The following PRIMA1 variants were observed in gnomAD, a reference collection of about 807,000 sequenced individuals.
PRIMA1 encodes the protein proline-rich membrane anchor 1.
PRIMA1 carries 7 observed loss-of-function variants against 17.5 expected under a neutral mutation model. The observed-to-expected ratio is 0.40, with a 90% CI of 0.23 to 0.75. PRIMA1 has a LOEUF of 0.75. Among genes scored for constraint, PRIMA1 ranks in the 30% least tolerant of loss-of-function variants. The pLI, the probability that PRIMA1 is intolerant of heterozygous loss-of-function variation, is 0.37. For missense variants in PRIMA1, 200 were observed against 201.8 expected, an observed-to-expected ratio of 0.99 and a Z score of 0.05; for synonymous variants, 97 against 77.9, an observed-to-expected ratio of 1.25 and a Z score of -1.29.
chr14:93,754,437 G>C (rs535401986), intron 3 of PRIMA1, among the ~76,000 whole-genome samples: 4 of 150,832 alleles, frequency 2.7e-5, no homozygotes, highest in African/African-American at 7.4e-5. Context: ...GGGCCATGGT[G>C]GGGGGGGCCT....
At chr14:93,779,091 G>T in intron 3 of PRIMA1, 85 bp downstream of exon 3, 1 of 990,604 alleles carries the variant, frequency 1.0e-6, no homozygotes, top group Non-Finnish European at 1.4e-6. Context: ...AGGAGGCAGG[G>T]CTGCCCTCGG....
Position 93,721,213 on chromosome 14 carries a change from G to C in PRIMA1, c.*231C>G, listed in dbSNP as rs1350699642. ...GAGGATGTGGAGGGCCTGGGGTGGGGACACTGCCCAGGTGCTGCGCCGGGC... is the reference window on the plus strand; with the variant it reads ...GAGGATGTGGAGGGCCTGGGGTGGGCACACTGCCCAGGTGCTGCGCCGGGC... On this transcript the variant is annotated 3_prime_UTR_variant, in exon 5 of 5. Transcript: ENST00000393140. 3 of 525,814 alleles carry C rather than the reference G, an allele frequency of 5.7e-6. No homozygotes were observed. Among genetic ancestry groups the C allele is most frequent in the Non-Finnish European group, 1.0e-5 (3 of 296,308 alleles). The allele number at this position is 525,814 out of a possible 1,614,324, so 32.6% of individuals were successfully genotyped here.
intron 2 of PRIMA1, among the ~76,000 whole-genome samples, chr14:93,785,957 T>C (rs1885513797): frequency 6.6e-6 from 1 of 151,990 alleles, no homozygotes; most frequent in Non-Finnish European, 1.5e-5. Context: ...GAAGGACACT[T>C]AAAAAACTGA....
At chr14:93,754,419 G>T (rs2076278537) in intron 3 of PRIMA1, among the ~76,000 whole-genome samples, 1 of 146,512 alleles carries the variant, frequency 6.8e-6, no homozygotes, top group South Asian at 2.3e-4. Flanking sequence ...TTTTAACATT[G>T]CCTAGGGGGG....
At chr14:93,743,147 A>G (rs1231159995) in intron 3 of PRIMA1, among the ~76,000 whole-genome samples, 1 of 152,206 alleles carries the variant, frequency 6.6e-6, no homozygotes, top group Non-Finnish European at 1.5e-5. Context: ...CTCCACTGTG[A>G]GATGGAGGCT....
intron 3 of PRIMA1, among the ~76,000 whole-genome samples, chr14:93,775,669 G>C (rs1885195955): frequency 6.6e-6 from 1 of 152,208 alleles, no homozygotes. Context: ...GCAGGGTTCT[G>C]GGCTGAGCTC....
chr14:93,775,345 T>C (rs547948105), intron 3 of PRIMA1, among the ~76,000 whole-genome samples: 1 of 152,344 alleles, frequency 6.6e-6, no homozygotes, highest in South Asian at 2.1e-4. Flanking sequence ...TCCCGGGCCC[T>C]GGCACCATGC....
chr14:93,752,623 T>C (rs1286464281), intron 3 of PRIMA1, among the ~76,000 whole-genome samples: 1 of 152,082 alleles, frequency 6.6e-6, no homozygotes, highest in Non-Finnish European at 1.5e-5. Flanking sequence ...ACTCCACCAG[T>C]GCAATATCCA....
At chr14:93,778,733 G>A (rs746395579) in intron 3 of PRIMA1, among the ~76,000 whole-genome samples, 3 of 152,202 alleles carry the variant, frequency 2.0e-5, no homozygotes, top group Admixed American at 6.5e-5. Flanking sequence ...GCAGAATTTG[G>A]TGCACATAGC....
chr14:93,746,172 C>T (rs116400277), intron 3 of PRIMA1, among the ~76,000 whole-genome samples: 1,867 of 152,210 alleles, frequency 0.012, 32 homozygotes, highest in African/African-American at 0.043. Flanking sequence ...ATAGAGTTCC[C>T]GCAAGGACAG....
At chr14:93,778,905 T>C (rs1885299271) in intron 3 of PRIMA1, among the ~76,000 whole-genome samples, 1 of 152,076 alleles carries the variant, frequency 6.6e-6, no homozygotes, top group Non-Finnish European at 1.5e-5. Context: ...GATCTGGCCT[T>C]CGGAACTATC....
intron 3 of PRIMA1, among the ~76,000 whole-genome samples, chr14:93,743,415 T>C (rs756313911): frequency 3.3e-5 from 5 of 152,250 alleles, no homozygotes; most frequent in African/African-American, 7.2e-5. Flanking sequence ...CTGGCCTTGA[T>C]TGTAGTCAGG....
chr14:93,751,684 T>A (rs112211842), intron 3 of PRIMA1, among the ~76,000 whole-genome samples: 23 of 152,282 alleles, frequency 1.5e-4, no homozygotes, highest in African/African-American at 5.5e-4. Context: ...ATGATTTGAG[T>A]CCAAGTTGGG....
chr14:93,756,730 C>T (rs1317310868), intron 3 of PRIMA1, among the ~76,000 whole-genome samples: 1 of 152,168 alleles, frequency 6.6e-6, no homozygotes, highest in Non-Finnish European at 1.5e-5. Flanking sequence ...CTCTGGGTTC[C>T]CTGTCCAAAA....
At chr14:93,737,656 G>A (rs1433122419) in intron 3 of PRIMA1, among the ~76,000 whole-genome samples, 4 of 152,186 alleles carry the variant, frequency 2.6e-5, no homozygotes, top group African/African-American at 9.7e-5. Context: ...CAGAGGCACA[G>A]GGAGGCCACT....
intron 3 of PRIMA1, among the ~76,000 whole-genome samples, chr14:93,763,276 C>A (rs1884790592): frequency 6.6e-6 from 1 of 152,208 alleles, no homozygotes; most frequent in South Asian, 2.1e-4. Context: ...GGGGACTCTG[C>A]CTCTAAACCC....
At position 93,719,354 on chromosome 14, in the gene PRIMA1, G is replaced by GTGTGCGCAAAGCTGGGC. The variant is rs2076022698; in HGVS notation, c.*2073_*2089dup. The GTGTGCGCAAAGCTGGGC allele has an allele frequency of 6.6e-6, 1 of 152,242 alleles. No individual in the cohort carries two copies. The highest frequency in any genetic ancestry group is 6.5e-5 in the Admixed American group (1 of 15,286). The allele number at this position is 152,242 out of a possible 1,614,324, so 9.4% of individuals were successfully genotyped here. On this transcript the variant is annotated 3_prime_UTR_variant, in exon 5 of 5. Coordinates refer to ENST00000393140, the MANE Select transcript of PRIMA1 (RefSeq NM_178013.4). ...GGTAGGGAATGATGGGACCAGGCGA[G>GTGTGCGCAAAGCTGGGC]TGTGCGCAAAGCTGGGCTGTGCCCA...
chr14:93,762,084 C>A (rs960159607), intron 3 of PRIMA1, among the ~76,000 whole-genome samples: 1 of 152,024 alleles, frequency 6.6e-6, no homozygotes, highest in Non-Finnish European at 1.5e-5. Flanking sequence ...AGGGCCTGGG[C>A]GGTAATGTGG....
chr14:93,730,469 A>G (rs574054534), intron 4 of PRIMA1, among the ~76,000 whole-genome samples: 4 of 152,322 alleles, frequency 2.6e-5, no homozygotes, highest in Non-Finnish European at 4.4e-5. Context: ...CTGACCAGAG[A>G]GACCTCTGGG....
Sources: gnomAD v4.1 joint callset for allele counts (sites outside exome capture counted in the v4.1 genomes callset) on GRCh38, gnomAD v4.1.1 for gene constraint, MANE v1.5 for transcripts, NCBI Gene and HGNC (gene_info 2026-07-23, HGNC 2026-07-21) for gene names.